The following TACC2 variants were observed in gnomAD, a reference collection of about 807,000 sequenced individuals.
TACC2 encodes the protein transforming acidic coiled-coil containing protein 2.
A neutral mutation model predicts 227.3 loss-of-function variants in TACC2; 137 were observed. The observed-to-expected ratio is 0.60, with a 90% CI of 0.52 to 0.69. TACC2 has a LOEUF of 0.69. Ranked by LOEUF, TACC2 falls within the 30% of genes least tolerant of loss-of-function variation. TACC2 has a pLI of 0.00. For missense variants in TACC2, 3,470 were observed against 3,694.4 expected (o/e 0.94, Z 1.57); for synonymous variants, 1,523 against 1,487.5 (o/e 1.02, Z -0.55).
intron 5 of TACC2, chr10:122,126,748 A>T (rs932115366): frequency 1.3e-5 from 2 of 151,688 alleles, no homozygotes; most frequent in African/African-American, 4.8e-5. Context: ...CTATTGAAGC[A>T]CTTTGCTTGA....
intron 5 of TACC2, among the ~76,000 whole-genome samples, chr10:122,124,996 A>T (rs1430862099): frequency 7.0e-6 from 1 of 142,820 alleles, no homozygotes; most frequent in East Asian, 2.1e-4. Flanking sequence ...TCTTGCAAAC[A>T]CTCTCCAGCA....
chr10:122,071,931 G>A (rs910566650), intron 3 of TACC2, among the ~76,000 whole-genome samples: 2 of 148,036 alleles, frequency 1.4e-5, no homozygotes, highest in South Asian at 4.3e-4. Flanking sequence ...AGGATACTTT[G>A]GGGTTTAATC....
rs914485703 is a variant in TACC2, at chr10:122,211,587, C to T, written c.7162C>T (p.Pro2388Ser). Reference sequence around the variant, plus strand: ...CCCCTTTAAGACATCCTCTAAGACCCCCAGCTCACCTTCTAAATCCCCAGC... The same window carrying T: ...CCCCTTTAAGACATCCTCTAAGACCTCCAGCTCACCTTCTAAATCCCCAGC... ...VDPFKTSSKTPSSPSKSPASF... is the reference protein window; with the variant it reads ...VDPFKTSSKTSSSPSKSPASF... Residue 2388 changes from proline (P) to serine (S), a missense_variant, in exon 9 of 23, where the codon CCC becomes TCC. By Grantham distance (74) the Pro-to-Ser change is moderately conservative. Around this residue, in one of 10 missense-constraint regions of TACC2, gnomAD observed 593 missense variants for 636.6 expected, o/e 0.93. Transcript: ENST00000369005. The T allele has an allele frequency of 4.3e-6, 7 of 1,613,940 alleles. No homozygotes were observed. The Admixed American group carries it at 5.0e-5, about 12-fold the overall frequency.
At chr10:122,038,704 A>G (rs1469254716) in intron 2 of TACC2, among the ~76,000 whole-genome samples, 1 of 152,202 alleles carries the variant, frequency 6.6e-6, no homozygotes, top group African/African-American at 2.4e-5. Context: ...AGCTTGTCCT[A>G]TAGGGAGTGT....
intron 1 of TACC2, among the ~76,000 whole-genome samples, chr10:122,014,868 G>A (rs1039593736): frequency 2.0e-5 from 3 of 152,176 alleles, no homozygotes; most frequent in Non-Finnish European, 4.4e-5. Flanking sequence ...GATCACATGA[G>A]ATGGTACCTT....
chr10:122,091,393 T>A (rs921757983), intron 5 of TACC2, among the ~76,000 whole-genome samples: 2 of 152,224 alleles, frequency 1.3e-5, no homozygotes, highest in African/African-American at 4.8e-5. Flanking sequence ...TTTTTCAATG[T>A]GGCTCCCTAA....
intron 1 of TACC2, chr10:121,994,597 G>A (rs1590825861): frequency 6.6e-6 from 1 of 152,398 alleles, no homozygotes; most frequent in East Asian, 1.9e-4. Context: ...ACAATTCCAT[G>A]TGATCCTGGG....
chr10:122,239,990 G>A (rs2095951073), intron 18 of TACC2, among the ~76,000 whole-genome samples: 1 of 152,222 alleles, frequency 6.6e-6, no homozygotes, highest in South Asian at 2.1e-4. Flanking sequence ...AGGCTGCGGA[G>A]TGTGATGCTT....
At chr10:122,221,614 C>A (rs2095525166) in intron 11 of TACC2, among the ~76,000 whole-genome samples, 1 of 152,182 alleles carries the variant, frequency 6.6e-6, no homozygotes, top group South Asian at 2.1e-4. Flanking sequence ...GCCTCCCTGT[C>A]TCTTTCCCTG....
chr10:122,040,687 T>C (rs528361769), intron 2 of TACC2, among the ~76,000 whole-genome samples: 36 of 151,642 alleles, frequency 2.4e-4, no homozygotes, highest in African/African-American at 6.1e-4. Context: ...ACTTAAAACA[T>C]ATCATCATTC....
intron 7 of TACC2, among the ~76,000 whole-genome samples, chr10:122,152,740 G>C (rs1244605690): frequency 1.3e-5 from 2 of 152,194 alleles, no homozygotes; most frequent in African/African-American, 4.8e-5. Flanking sequence ...GAGCCATCCT[G>C]CATCCTCACT....
chr10:122,189,761 C>T (rs958172187), intron 7 of TACC2, among the ~76,000 whole-genome samples: 15 of 152,090 alleles, frequency 9.9e-5, no homozygotes, highest in African/African-American at 3.4e-4. Flanking sequence ...TTTAGATTTC[C>T]AGGATGAGTG....
intron 3 of TACC2, among the ~76,000 whole-genome samples, chr10:122,075,899 A>G (rs2459062): frequency 0.65 from 98,235 of 152,028 alleles, 33,397 homozygotes; most frequent in Non-Finnish European, 0.78. Flanking sequence ...TCCTGGATTC[A>G]AGCAATCCTC....
intron 1 of TACC2, among the ~76,000 whole-genome samples, chr10:122,001,642 T>A (rs765512138): frequency 2.6e-5 from 4 of 152,224 alleles, no homozygotes; most frequent in Non-Finnish European, 4.4e-5. Flanking sequence ...TTAAAAATTG[T>A]GTCAGTGTTC....
intron 16 of TACC2, among the ~76,000 whole-genome samples, chr10:122,235,315 T>C (rs531704655): frequency 6.7e-4 from 102 of 152,326 alleles, no homozygotes; most frequent in African/African-American, 2.2e-3. Flanking sequence ...CTTGAACTCC[T>C]GGCCTCAAGT....
At chr10:122,154,445 C>A (rs1013452623) in intron 7 of TACC2, among the ~76,000 whole-genome samples, 55 of 152,242 alleles carry the variant, frequency 3.6e-4, no homozygotes, top group African/African-American at 1.3e-3. Context: ...TGTAAATATG[C>A]CATGCATTTA....
intron 1 of TACC2, among the ~76,000 whole-genome samples, chr10:121,995,952 C>T (rs1352865098): frequency 1.3e-5 from 2 of 152,146 alleles, no homozygotes; most frequent in African/African-American, 4.8e-5. Flanking sequence ...TGGGGTTTCA[C>T]CCTGCTGGCC....
chr10:122,061,020 G>C (rs1302297060), intron 3 of TACC2, among the ~76,000 whole-genome samples: 1 of 7,000 alleles, frequency 1.4e-4, no homozygotes, highest in African/African-American at 2.5e-4. Context: ...AAAAAAAAAA[G>C]GGGGGGGGGC....
chr10:122,167,349 G>A (rs1368665356), intron 7 of TACC2, among the ~76,000 whole-genome samples: 3 of 152,252 alleles, frequency 2.0e-5, no homozygotes, highest in Non-Finnish European at 4.4e-5. Context: ...TGAGATGGGG[G>A]AGGGAAGAGA....
Sources: allele counts gnomAD v4.1 joint callset (sites outside exome capture counted in the v4.1 genomes callset), GRCh38; gene constraint gnomAD v4.1.1; regional missense constraint gnomAD v4.1.1; transcripts MANE v1.5; gene names NCBI Gene and HGNC (gene_info 2026-07-23, HGNC 2026-07-21).